Variants in NEK11 observed in about 807,000 individuals in gnomAD.
NEK11 encodes NIMA related kinase 11.
In NEK11, 72 loss-of-function variants were observed where a neutral mutation model predicts 80.7. The observed-to-expected ratio is 0.89, with a 90% CI of 0.74 to 1.08. The LOEUF (loss-of-function observed/expected upper bound fraction) is 1.08. NEK11 is among the 50% of genes least tolerant of loss of function. The pLI is 0.00. For synonymous variants in NEK11, 251 were observed against 260.7 expected (o/e 0.96, Z 0.36); for missense variants, 764 against 763.6 (o/e 1.00, Z -0.01).
At chr3:131,068,828 A>C (rs1246462760) in intron 3 of NEK11, among the ~76,000 whole-genome samples, 2 of 152,192 alleles carry the variant, frequency 1.3e-5, no homozygotes, top group African/African-American at 2.4e-5. Flanking sequence ...TTTGGGTATA[A>C]GCACAACTCA....
At chr3:131,074,584 T>TA (rs372867164) in intron 3 of NEK11, among the ~76,000 whole-genome samples, 2 of 152,228 alleles carry the variant, frequency 1.3e-5, no homozygotes, top group African/African-American at 4.8e-5. Flanking sequence ...TTAACTTTCA[T>TA]AGCCTATTCA....
At chr3:131,255,276 T>A (rs2095796118) in intron 16 of NEK11, among the ~76,000 whole-genome samples, 1 of 152,194 alleles carries the variant, frequency 6.6e-6, no homozygotes, top group Non-Finnish European at 1.5e-5. Flanking sequence ...ATCTTCTGTC[T>A]TTCTTACTGA....
At chr3:131,257,794 C>G (rs1443228487) in intron 16 of NEK11, among the ~76,000 whole-genome samples, 1 of 152,180 alleles carries the variant, frequency 6.6e-6, no homozygotes, top group African/African-American at 2.4e-5. Context: ...TGTAGAACTA[C>G]CATTCAATCC....
At chr3:131,090,011 G>C (rs2076510479) in intron 4 of NEK11, among the ~76,000 whole-genome samples, 1 of 151,900 alleles carries the variant, frequency 6.6e-6, no homozygotes. Flanking sequence ...AACATTGCAG[G>C]GGTTTTTTTG....
intron 3 of NEK11, among the ~76,000 whole-genome samples, chr3:131,061,369 T>C (rs1034167855): frequency 6.6e-6 from 1 of 152,144 alleles, no homozygotes; most frequent in African/African-American, 2.4e-5. Flanking sequence ...AAGTCTTGCA[T>C]TGGGTAGAAT....
intron 3 of NEK11, among the ~76,000 whole-genome samples, chr3:131,067,404 T>C (rs2072239429): frequency 6.6e-6 from 1 of 152,234 alleles, no homozygotes; most frequent in Non-Finnish European, 1.5e-5. Flanking sequence ...TTCTATTCAA[T>C]AGAACCACTG....
chr3:131,216,016 T>C (rs925235128), intron 14 of NEK11, among the ~76,000 whole-genome samples: 3 of 152,198 alleles, frequency 2.0e-5, no homozygotes, highest in Non-Finnish European at 4.4e-5. Flanking sequence ...CAACTGAATT[T>C]GTCATTTTAT....
At position 131,131,212 on chromosome 3, in the gene NEK11, A is replaced by C. The variant is rs896654588; in HGVS notation, c.456-1533A>C. ...TCTTGTAATGTCTTTGTTTGGTTTTAATGTTAGGATGATGCTGACATCTTA... is the reference window on the plus strand; with the variant it reads ...TCTTGTAATGTCTTTGTTTGGTTTTCATGTTAGGATGATGCTGACATCTTA... On this transcript the variant is annotated intron_variant, in intron 5 of 17. Transcript: ENST00000383366. Among the ~76,000 whole-genome samples, 10 of 152,286 alleles carry C rather than the reference A, an allele frequency of 6.6e-5. No individual in the cohort carries two copies. In the South Asian group the frequency reaches 2.1e-3, roughly 32 times the overall value.
chr3:131,039,104 A>G (rs557440507), intron 3 of NEK11, among the ~76,000 whole-genome samples: 5 of 152,320 alleles, frequency 3.3e-5, no homozygotes, highest in South Asian at 4.1e-4. Context: ...CATTTATTCA[A>G]TAAATAAAGT....
At chr3:131,338,969 G>T (rs1395025821) in intron 17 of NEK11, among the ~76,000 whole-genome samples, 1 of 151,802 alleles carries the variant, frequency 6.6e-6, no homozygotes, top group Non-Finnish European at 1.5e-5. Flanking sequence ...TTCAAAAGAA[G>T]AAATTTTGTT....
At position 131,175,742 on chromosome 3, in the gene NEK11, C is replaced by T. The variant is rs145632787; in HGVS notation, c.1399+4855C>T. Among the ~76,000 whole-genome samples, 1,222 of 152,028 alleles carry T rather than the reference C, an allele frequency of 8.0e-3. 20 individuals are homozygous for T. The highest frequency in any genetic ancestry group is 0.028 in the African/African-American group (1,156 of 41,442). On this transcript the variant is annotated intron_variant, in intron 14 of 17. Coordinates refer to ENST00000383366, the MANE Select transcript of NEK11 (RefSeq NM_024800.5). ...TTGGACTCAATACTTTAAATTAGTG[C>T]ATTTTATTGTATATAAATTATACCT...
At chr3:131,117,888 T>C (rs1202338563) in intron 5 of NEK11, among the ~76,000 whole-genome samples, 1 of 152,076 alleles carries the variant, frequency 6.6e-6, no homozygotes, top group Non-Finnish European at 1.5e-5. Flanking sequence ...GACGATGGGG[T>C]TTTCTAAGTA....
chr3:131,336,031 C>T (rs1275385804), intron 17 of NEK11, among the ~76,000 whole-genome samples: 4 of 152,042 alleles, frequency 2.6e-5, no homozygotes, highest in Non-Finnish European at 4.4e-5. Context: ...ATCATGAAAA[C>T]GGCCATGCTG....
intron 4 of NEK11, among the ~76,000 whole-genome samples, chr3:131,108,800 C>G (rs1425992227): frequency 6.6e-6 from 1 of 151,892 alleles, no homozygotes; most frequent in African/African-American, 2.4e-5. Context: ...TATTATATTC[C>G]TTAGGGTTTT....
chr3:131,159,179 G>C (rs368431482), intron 10 of NEK11, among the ~76,000 whole-genome samples: 12 of 152,202 alleles, frequency 7.9e-5, no homozygotes, highest in East Asian at 5.8e-4. Flanking sequence ...AGCCCACAAA[G>C]ATGAGATAGA....
intron 15 of NEK11, among the ~76,000 whole-genome samples, chr3:131,233,226 C>T (rs139125077): frequency 2.6e-5 from 4 of 152,130 alleles, no homozygotes; most frequent in Non-Finnish European, 4.4e-5. Flanking sequence ...AGGTGTGTTG[C>T]TGGAGTCCAG....
chr3:131,155,594 A>G (rs113643748), intron 10 of NEK11, among the ~76,000 whole-genome samples: 35 of 152,320 alleles, frequency 2.3e-4, no homozygotes, highest in African/African-American at 7.5e-4. Context: ...TAAACATTGT[A>G]TTCCCCAAAG....
chr3:131,290,915 G>A (rs2096537280), intron 17 of NEK11, among the ~76,000 whole-genome samples: 1 of 152,124 alleles, frequency 6.6e-6, no homozygotes, highest in Non-Finnish European at 1.5e-5. Flanking sequence ...TACATTTGTT[G>A]CAACTGATGA....
intron 5 of NEK11, among the ~76,000 whole-genome samples, chr3:131,114,785 T>C (rs765872030): frequency 2.0e-5 from 3 of 152,216 alleles, no homozygotes; most frequent in Non-Finnish European, 4.4e-5. Context: ...AGCTGATAAA[T>C]ATAGGCTTGT....
Sources: allele counts gnomAD v4.1 joint callset (sites outside exome capture counted in the v4.1 genomes callset), GRCh38; gene constraint gnomAD v4.1.1; transcripts MANE v1.5; gene names NCBI Gene and HGNC (gene_info 2026-07-23, HGNC 2026-07-21).